The following RANBP2 variants were observed in gnomAD, a reference collection of about 807,000 sequenced individuals.
RANBP2 encodes the protein E3 SUMO-protein ligase RanBP2.
Under a neutral mutation model 303.6 loss-of-function variants are expected in RANBP2, and 57 were observed. That is an observed-to-expected ratio of 0.19 (90% confidence interval 0.15 to 0.23). The LOEUF (loss-of-function observed/expected upper bound fraction) is 0.23. Ranked by LOEUF, RANBP2 falls within the 10% of genes least tolerant of loss-of-function variation. The pLI is 1.00. For synonymous variants in RANBP2, 1,167 were observed against 1,301.5 expected, an observed-to-expected ratio of 0.90 and a Z score of 2.23; for missense variants, 3,138 against 3,780.8, an observed-to-expected ratio of 0.83 and a Z score of 4.46.
the RANBP2 span, among the ~76,000 whole-genome samples, chr2:109,680,993 C>T: frequency 5.3e-5 from 8 of 152,316 alleles, no homozygotes; most frequent in African/African-American, 1.4e-4. Context: ...CCCTGAAAGA[C>T]ATGTACAAGA....
Position 108,764,466 on chromosome 2 carries a change from A to G in RANBP2, c.3927A>G (p.Gly1309=). 6.2e-7 allele frequency: 1 copy of G among 1,614,054 alleles called. No individual in the cohort carries two copies. The highest frequency in any genetic ancestry group is 8.5e-7 in the Non-Finnish European group (1 of 1,179,978). ...EEAQSILKAP[G]TNVAMASNQA... ...CCCAGAGCATTTTAAAAGCCCCAGG[A>G]ACAAATGTAGCCATGGCGTCAAATC... The change falls in exon 20 of 29, where the codon GGA becomes GGG. Residue 1309 remains glycine, a synonymous_variant. Transcript: ENST00000283195.
chr2:109,664,438 T>C, the RANBP2 span, among the ~76,000 whole-genome samples: 2 of 151,474 alleles, frequency 1.3e-5, no homozygotes, highest in African/African-American at 4.9e-5. Context: ...ACCCCATCTC[T>C]ACTAAAAATA....
the RANBP2 span, among the ~76,000 whole-genome samples, chr2:108,811,247 C>CTCTCTTTTTTTTTTTTTTTTTTTTTTTT: frequency 8.8e-6 from 1 of 113,904 alleles, no homozygotes; most frequent in Non-Finnish European, 1.7e-5. Context: ...TTCTCTCTCT[C>CTCTCTTTTTTTTTTTTTTTTTTTTTTTT]TTTTTTTTTT....
chr2:109,349,639 A>C, the RANBP2 span, among the ~76,000 whole-genome samples: 39 of 152,190 alleles, frequency 2.6e-4, no homozygotes, highest in Non-Finnish European at 4.6e-4. Context: ...AGGCTTCTCC[A>C]GGCTTGGCGG....
At chr2:109,509,370 CAG>C in the RANBP2 span, among the ~76,000 whole-genome samples, 1 of 152,172 alleles carries the variant, frequency 6.6e-6, no homozygotes, top group Non-Finnish European at 1.5e-5. Flanking sequence ...GCTGAAACAA[CAG>C]AAATATATTC....
chr2:109,242,712 C>G, the RANBP2 span, among the ~76,000 whole-genome samples: 1 of 152,216 alleles, frequency 6.6e-6, no homozygotes, highest in Non-Finnish European at 1.5e-5. Flanking sequence ...GAGCCCTGGT[C>G]TGGGCTCAGA....
chr2:108,840,220 GT>G, the RANBP2 span, among the ~76,000 whole-genome samples: 2 of 151,894 alleles, frequency 1.3e-5, no homozygotes, highest in African/African-American at 4.8e-5. Flanking sequence ...CTTTTTATAT[GT>G]TTTTATATTA....
chr2:109,085,197 T>C, the RANBP2 span, among the ~76,000 whole-genome samples: 2 of 152,230 alleles, frequency 1.3e-5, no homozygotes, highest in African/African-American at 2.4e-5. Flanking sequence ...GAGGCTGTGC[T>C]ACTCTTCTTT....
chr2:109,553,249 TA>T, the RANBP2 span: 1 of 1,610,856 alleles, frequency 6.2e-7, no homozygotes. Flanking sequence ...ACTCTCCTGC[TA>T]AAAAGTGATA....
At chr2:108,839,809 T>TG in the RANBP2 span, among the ~76,000 whole-genome samples, 1 of 152,044 alleles carries the variant, frequency 6.6e-6, no homozygotes, top group Non-Finnish European at 1.5e-5. Context: ...TATCTGCAAA[T>TG]GAAAACAGTG....
the RANBP2 span, chr2:108,884,554 T>C: frequency 6.6e-6 from 1 of 152,330 alleles, no homozygotes; most frequent in African/African-American, 2.4e-5. Flanking sequence ...TTGTTTTTGC[T>C]TGTTTCTTTG....
the RANBP2 span, among the ~76,000 whole-genome samples, chr2:109,596,574 G>A: frequency 5.3e-5 from 8 of 151,546 alleles, no homozygotes; most frequent in Non-Finnish European, 8.8e-5. Flanking sequence ...CAGAGATCGC[G>A]CCGCTGCACT....
the RANBP2 span, among the ~76,000 whole-genome samples, chr2:109,516,102 C>A: frequency 6.6e-6 from 1 of 152,194 alleles, no homozygotes; most frequent in African/African-American, 2.4e-5. Flanking sequence ...AGGGGTCTTC[C>A]CTGGGCTAAG....
At chr2:109,181,682 A>T in the RANBP2 span, among the ~76,000 whole-genome samples, 2 of 152,186 alleles carry the variant, frequency 1.3e-5, no homozygotes, top group Non-Finnish European at 2.9e-5. Context: ...TCCCGGCCAC[A>T]GGGGGTTCCT....
At chr2:108,937,866 C>T in the RANBP2 span, among the ~76,000 whole-genome samples, 2 of 152,196 alleles carry the variant, frequency 1.3e-5, no homozygotes, top group African/African-American at 4.8e-5. Flanking sequence ...GCCCTGAGCC[C>T]TCGGGTGGGG....
chr2:109,064,472 C>A, the RANBP2 span, among the ~76,000 whole-genome samples: 124,807 of 129,196 alleles, frequency 0.97, 60,445 homozygotes, highest in East Asian at 1. Context: ...AAAAAAAAAA[C>A]AAAAACAAAC....
At chr2:109,203,857 C>G in the RANBP2 span, among the ~76,000 whole-genome samples, 8,920 of 152,252 alleles carry the variant, frequency 0.059, 829 homozygotes, top group African/African-American at 0.2. Flanking sequence ...TCGCTACCTA[C>G]CCCTGGGCCC....
At chr2:109,634,205 A>G in the RANBP2 span, among the ~76,000 whole-genome samples, 1 of 151,826 alleles carries the variant, frequency 6.6e-6, no homozygotes, top group Non-Finnish European at 1.5e-5. Flanking sequence ...ATAGCCAGGA[A>G]TCTTTCCCAG....
chr2:109,202,515 C>G, the RANBP2 span, among the ~76,000 whole-genome samples: 1 of 152,232 alleles, frequency 6.6e-6, no homozygotes, highest in Non-Finnish European at 1.5e-5. Flanking sequence ...GTCTGGGTAG[C>G]TGGTGGGTGG....
Sources: gnomAD v4.1 joint callset for allele counts (sites outside exome capture counted in the v4.1 genomes callset) on GRCh38, gnomAD v4.1.1 for gene constraint, MANE v1.5 for transcripts, NCBI Gene and HGNC (gene_info 2026-07-23, HGNC 2026-07-21) for gene names.